Variants in CLYBL observed in about 807,000 individuals in gnomAD.
The protein encoded by CLYBL is citramalyl-CoA lyase, mitochondrial.
CLYBL carries 31 observed loss-of-function variants against 38.9 expected under a neutral mutation model. The observed-to-expected ratio is 0.80, with a 90% CI of 0.60 to 1.08. The LOEUF (loss-of-function observed/expected upper bound fraction) is 1.08. Among genes scored for constraint, CLYBL ranks in the 50% least tolerant of loss-of-function variants. CLYBL has a pLI of 0.00. For missense variants in CLYBL, 434 were observed against 411.6 expected (o/e 1.05, Z -0.47); for synonymous variants, 171 against 158.6 (o/e 1.08, Z -0.59).
intron 7 of CLYBL, among the ~76,000 whole-genome samples, chr13:99,883,615 C>A (rs1467668826): frequency 2.0e-5 from 3 of 152,122 alleles, no homozygotes; most frequent in Admixed American, 2.0e-4. Flanking sequence ...TGTCCTCAGG[C>A]TCTAGGAGAC....
At chr13:99,871,639 C>T (rs781683113) in intron 7 of CLYBL, among the ~76,000 whole-genome samples, 5 of 152,118 alleles carry the variant, frequency 3.3e-5, no homozygotes, top group East Asian at 1.9e-4. Context: ...TTGAGCCTCG[C>T]GTTTCCTGCT....
In CLYBL at chr13:99,822,342, G is replaced by A. The variant is rs188724867; in HGVS notation, c.250-36519G>A. The stretch of plus-strand genomic sequence containing the variant: ...AATAGCAGAGCAAAACAGCATGACT[G>A]GTGGCTGGGAGGCTTAAAACTGGGA... On this transcript the variant is annotated intron_variant, in intron 2 of 8. Transcript: ENST00000339105. 5.9e-5 allele frequency among the ~76,000 whole-genome samples: 9 copies of A among 152,326 alleles called. No individual in the cohort carries two copies. The East Asian group carries it at 1.7e-3, about 29-fold the overall frequency.
At chr13:99,716,791 T>TC (rs199906261) in intron 1 of CLYBL, among the ~76,000 whole-genome samples, 2 of 142,982 alleles carry the variant, frequency 1.4e-5, no homozygotes, top group East Asian at 2.0e-4. Context: ...TCTTTTCTTT[T>TC]TTTTTTTTTT....
chr13:99,706,857 G>A (rs1228867910), intron 1 of CLYBL, among the ~76,000 whole-genome samples: 5 of 151,916 alleles, frequency 3.3e-5, no homozygotes, highest in Admixed American at 6.6e-5. Flanking sequence ...ATCCAGACTG[G>A]AATGTAGTGG....
chr13:99,787,706 C>G (rs999340856), intron 2 of CLYBL, among the ~76,000 whole-genome samples: 1 of 152,116 alleles, frequency 6.6e-6, no homozygotes, highest in Non-Finnish European at 1.5e-5. Context: ...TCCATATGAA[C>G]TTTAAAGTAG....
At chr13:99,684,035 A>ATTTTTTTTTTT (rs778902077) in intron 1 of CLYBL, among the ~76,000 whole-genome samples, 21 of 86,378 alleles carry the variant, frequency 2.4e-4, no homozygotes, top group African/African-American at 8.5e-4. Flanking sequence ...TGCCTGGCTA[A>ATTTTTTTTTTT]TTTTTTTTTT....
At position 99,651,670 on chromosome 13, in the gene CLYBL, G is replaced by T. The variant is rs189216446; in HGVS notation, c.62+44913G>T. Among the ~76,000 whole-genome samples, 194 of 152,294 alleles carry T rather than the reference G, an allele frequency of 1.3e-3. 1 individual carries two copies. The highest frequency in any genetic ancestry group is 4.5e-3 in the African/African-American group (185 of 41,558). On this transcript the variant is annotated intron_variant, in intron 1 of 8. Coordinates refer to ENST00000339105, the MANE Select transcript of CLYBL (RefSeq NM_206808.5). Reference sequence around the variant, plus strand: ...GTTGTGGCCAGGTGCAGTGGCTCACGCCTGTAATCCCAACACTTTGGGAGG... The same window carrying T: ...GTTGTGGCCAGGTGCAGTGGCTCACTCCTGTAATCCCAACACTTTGGGAGG...
downstream of CLYBL, chr13:99,893,152 A>T (rs147203845): frequency 6.6e-6 from 1 of 152,334 alleles, no homozygotes; most frequent in Non-Finnish European, 1.5e-5. Context: ...GCGGCCAGAA[A>T]GGAAGGTGGG....
At chr13:99,708,738 C>T (rs1355417981) in intron 1 of CLYBL, among the ~76,000 whole-genome samples, 1 of 152,140 alleles carries the variant, frequency 6.6e-6, no homozygotes, top group Non-Finnish European at 1.5e-5. Flanking sequence ...GAAGTCCTAA[C>T]CACAGGTACT....
chr13:99,837,841 A>G (rs2050975541), intron 2 of CLYBL, among the ~76,000 whole-genome samples: 1 of 152,230 alleles, frequency 6.6e-6, no homozygotes. Flanking sequence ...ATCAAACCAA[A>G]TAAAGTGGAT....
chr13:99,624,288 GT>G (rs2046839603), intron 1 of CLYBL, among the ~76,000 whole-genome samples: 2 of 152,220 alleles, frequency 1.3e-5, no homozygotes, highest in Non-Finnish European at 2.9e-5. Flanking sequence ...GCCTGACACA[GT>G]AGGCACTGAT....
rs570801671 is a variant in CLYBL, at chr13:99,625,297, T to G, written c.62+18540T>G. Among the ~76,000 whole-genome samples the G allele has an allele frequency of 3.3e-5, 5 of 152,332 alleles. No homozygotes were observed. In the East Asian group the frequency reaches 9.6e-4, roughly 29 times the overall value. On this transcript the variant is annotated intron_variant, in intron 1 of 8. Transcript: ENST00000339105. ...TGCATGGCCCCACACATTTTTTTTCTGTGGGAACCACTAAGCATTAGCAAC... is the reference window on the plus strand; with the variant it reads ...TGCATGGCCCCACACATTTTTTTTCGGTGGGAACCACTAAGCATTAGCAAC...
chr13:99,905,319 A>G (rs1295935475), exon 9 of CLYBL, among the ~76,000 whole-genome samples: 6 of 152,232 alleles, frequency 3.9e-5, no homozygotes, highest in Admixed American at 3.9e-4. Context: ...ACAAGAGGGT[A>G]AAGTTCATAC....
At chr13:99,854,684 C>T (rs1015585099) in intron 2 of CLYBL, among the ~76,000 whole-genome samples, 1 of 152,100 alleles carries the variant, frequency 6.6e-6, no homozygotes, top group Non-Finnish European at 1.5e-5. Flanking sequence ...TAGTTATTAG[C>T]TTTAATGGGT....
chr13:99,733,281 A>G (rs543168057), intron 1 of CLYBL, among the ~76,000 whole-genome samples: 1 of 152,204 alleles, frequency 6.6e-6, no homozygotes, highest in African/African-American at 2.4e-5. Flanking sequence ...CTTAAAAAAA[A>G]AAACAAACTG....
intron 2 of CLYBL, among the ~76,000 whole-genome samples, chr13:99,834,896 T>C (rs900923431): frequency 2.6e-5 from 4 of 152,220 alleles, no homozygotes; most frequent in South Asian, 2.1e-4. Flanking sequence ...CAAGAGGTGA[T>C]GTGATCGAGA....
intron 1 of CLYBL, among the ~76,000 whole-genome samples, chr13:99,695,613 G>A (rs918211097): frequency 6.6e-6 from 1 of 151,936 alleles, no homozygotes; most frequent in East Asian, 1.9e-4. Flanking sequence ...TCCGCCTCCC[G>A]AGTTCAAGAG....
At position 99,644,724 on chromosome 13, in the gene CLYBL, A is replaced by G. The variant is rs1322511733; in HGVS notation, c.62+37967A>G. ...TCTAGTCTCTGTCCCCATGATTTCA[A>G]TTGTTTTAACTTTCAGCTCCCACAA... is the stretch of plus-strand genomic sequence containing the variant. On this transcript the variant is annotated intron_variant, in intron 1 of 8. Coordinates refer to ENST00000339105, the MANE Select transcript of CLYBL (RefSeq NM_206808.5). Among the ~76,000 whole-genome samples the G allele has an allele frequency of 3.9e-5, 6 of 152,076 alleles. No individual in the cohort carries two copies. In the South Asian group the frequency reaches 8.3e-4, roughly 21 times the overall value.
intron 2 of CLYBL, among the ~76,000 whole-genome samples, chr13:99,844,095 C>T (rs72653987): frequency 0.051 from 7,706 of 152,208 alleles, 236 homozygotes; most frequent in East Asian, 0.16. Context: ...CAGCTAACCA[C>T]AGAATTTCGT....
Sources: gnomAD v4.1 joint callset for allele counts (sites outside exome capture counted in the v4.1 genomes callset) on GRCh38, gnomAD v4.1.1 for gene constraint, MANE v1.5 for transcripts, NCBI Gene and HGNC (gene_info 2026-07-23, HGNC 2026-07-21) for gene names.